Variants in TUSC3 observed in about 807,000 individuals in gnomAD.
The protein encoded by TUSC3 is tumor suppressor candidate 3.
A neutral mutation model predicts 44.8 loss-of-function variants in TUSC3; 45 were observed. The ratio of observed to expected loss-of-function variants is 1.00; its 90% confidence interval spans 0.79 to 1.29. TUSC3 has a LOEUF of 1.29. Ranked by LOEUF, TUSC3 falls within the 50% of genes most tolerant of loss-of-function variation. The pLI is 0.00. For synonymous variants in TUSC3, 212 were observed against 152.9 expected (o/e 1.39, Z -2.85); for missense variants, 519 against 437.9 (o/e 1.19, Z -1.65).
intron 2 of TUSC3, among the ~76,000 whole-genome samples, chr8:15,642,987 C>T (rs1423090629): frequency 2.6e-5 from 4 of 151,992 alleles, no homozygotes; most frequent in African/African-American, 7.3e-5. Context: ...TGACTGTGTC[C>T]CCACACAAAT....
chr8:15,810,616 T>C, the TUSC3 span, among the ~76,000 whole-genome samples: 3 of 151,556 alleles, frequency 2.0e-5, no homozygotes, highest in African/African-American at 7.3e-5. Context: ...CTAGGCTGGG[T>C]AACAGAGCAA....
At chr8:15,627,190 A>G (rs1335611811) in intron 2 of TUSC3, among the ~76,000 whole-genome samples, 4 of 152,174 alleles carry the variant, frequency 2.6e-5, no homozygotes, top group Non-Finnish European at 4.4e-5. Context: ...CTCTCTGCTG[A>G]GAGCTGAGGA....
chr8:15,429,464 G>A (rs1429834121), intron 1 of TUSC3, among the ~76,000 whole-genome samples: 1 of 150,406 alleles, frequency 6.6e-6, no homozygotes, highest in Non-Finnish European at 1.5e-5. Flanking sequence ...CTCTTTTTTG[G>A]TTCCATATGA....
At chr8:15,783,806 C>A in the TUSC3 span, among the ~76,000 whole-genome samples, 1 of 152,210 alleles carries the variant, frequency 6.6e-6, no homozygotes, top group Admixed American at 6.5e-5. Context: ...GCAGTAATTT[C>A]TTGGATATAA....
intron 1 of TUSC3, among the ~76,000 whole-genome samples, chr8:15,585,919 T>C (rs530746350): frequency 6.6e-6 from 1 of 152,052 alleles, no homozygotes; most frequent in East Asian, 1.9e-4. Context: ...GTTAAAGCCA[T>C]GAAAGTAGAT....
chr8:15,526,721 C>A (rs1801377550), intron 2 of TUSC3, among the ~76,000 whole-genome samples: 1 of 152,106 alleles, frequency 6.6e-6, no homozygotes, highest in African/African-American at 2.4e-5. Flanking sequence ...GTTACCCAGT[C>A]TCAGGTATGT....
At chr8:15,694,760 C>T (rs569316860) in intron 6 of TUSC3, among the ~76,000 whole-genome samples, 1 of 152,246 alleles carries the variant, frequency 6.6e-6, no homozygotes, top group Admixed American at 6.5e-5. Context: ...TGGTTTCAGG[C>T]CCTAGCTTTG....
At chr8:15,519,354 G>C (rs1286178583) in intron 2 of TUSC3, among the ~76,000 whole-genome samples, 1 of 151,750 alleles carries the variant, frequency 6.6e-6, no homozygotes, top group Non-Finnish European at 1.5e-5. Flanking sequence ...GCTTTTCTTT[G>C]TTACAGCTAT....
intron 1 of TUSC3, among the ~76,000 whole-genome samples, chr8:15,421,892 T>G (rs1393701228): frequency 6.6e-6 from 1 of 152,184 alleles, no homozygotes; most frequent in African/African-American, 2.4e-5. Context: ...ATGTAATAAT[T>G]ATTTGTTGAA....
the TUSC3 span, among the ~76,000 whole-genome samples, chr8:15,794,728 G>A: frequency 6.6e-6 from 1 of 151,838 alleles, no homozygotes; most frequent in Non-Finnish European, 1.5e-5. Context: ...AATGCTTTGG[G>A]AACCCAAATT....
At chr8:15,448,619 A>C (rs1259644978) in intron 1 of TUSC3, among the ~76,000 whole-genome samples, 1 of 152,224 alleles carries the variant, frequency 6.6e-6, no homozygotes, top group Non-Finnish European at 1.5e-5. Flanking sequence ...GAGGTGTTAG[A>C]AGCAATGTTT....
chr8:15,832,531 A>G, the TUSC3 span, among the ~76,000 whole-genome samples: 1 of 152,158 alleles, frequency 6.6e-6, no homozygotes, highest in African/African-American at 2.4e-5. Context: ...GCTGTCTTCA[A>G]GAGACCCATC....
At chr8:15,445,798 G>A (rs558071388) in intron 1 of TUSC3, among the ~76,000 whole-genome samples, 2 of 152,270 alleles carry the variant, frequency 1.3e-5, no homozygotes, top group East Asian at 1.9e-4. Context: ...AACCACCATC[G>A]TCATCATGGC....
intron 2 of TUSC3, among the ~76,000 whole-genome samples, chr8:15,490,760 A>G (rs1475866919): frequency 6.6e-6 from 1 of 152,238 alleles, no homozygotes; most frequent in East Asian, 1.9e-4. Flanking sequence ...AAAATGAAAG[A>G]AAGTCACCAA....
intron 1 of TUSC3, among the ~76,000 whole-genome samples, chr8:15,419,980 T>G (rs900356807): frequency 5.3e-5 from 8 of 152,150 alleles, no homozygotes; most frequent in Admixed American, 4.6e-4. Flanking sequence ...GGACAATATA[T>G]TTCAATGAAT....
chr8:15,674,244 C>G (rs1252499618), intron 6 of TUSC3, among the ~76,000 whole-genome samples: 2 of 151,850 alleles, frequency 1.3e-5, no homozygotes. Context: ...CCCGGGTGGT[C>G]ATTGTATTAG....
chr8:15,538,009 C>T (rs1003061404), upstream of TUSC3, among the ~76,000 whole-genome samples: 2 of 152,114 alleles, frequency 1.3e-5, no homozygotes, highest in Admixed American at 1.3e-4. Flanking sequence ...GTAAGTGGAG[C>T]TCTTATGTAC....
chr8:15,521,265 G>C lies in TUSC3; in HGVS notation n.189+37782G>C, dbSNP rs73536448. 9.1e-3 allele frequency among the ~76,000 whole-genome samples: 1,386 copies of C among 152,178 alleles called. 22 individuals are homozygous for C. Among genetic ancestry groups the C allele is most frequent in the African/African-American group, 0.031 (1,288 of 41,516 alleles). ...GAGTTCTTAGGGACGCTTGATCCTC[G>C]GCTGGGTAGCATGGCCTTGGCTTAC... On this transcript the variant is annotated intron_variant and non_coding_transcript_variant, in intron 2 of 5. Coordinates refer to the TUSC3 transcript ENST00000503191.
chr8:15,611,998 A>C (rs1804783162), intron 1 of TUSC3, among the ~76,000 whole-genome samples: 1 of 152,210 alleles, frequency 6.6e-6, no homozygotes, highest in South Asian at 2.1e-4. Flanking sequence ...TTGAAAAGTA[A>C]AGGCTTCTTG....
Sources: gnomAD v4.1 joint callset for allele counts (sites outside exome capture counted in the v4.1 genomes callset) on GRCh38, gnomAD v4.1.1 for gene constraint, MANE v1.5 for transcripts, NCBI Gene and HGNC (gene_info 2026-07-23, HGNC 2026-07-21) for gene names.